LPA: variants seen among roughly 807,000 people sequenced by gnomAD.
LPA encodes lipoprotein(a), also known as apolipoprotein(a).
In LPA, 199 loss-of-function variants were observed where a neutral mutation model predicts 197.9. That is an observed-to-expected ratio of 1.01 (90% CI 0.90 to 1.13). The LOEUF (loss-of-function observed/expected upper bound fraction) is 1.13. Among genes scored for constraint, LPA ranks in the 50% most tolerant of loss-of-function variants. LPA has a pLI of 0.00. For missense variants in LPA, 1,853 were observed against 1,785.8 expected, an observed-to-expected ratio of 1.04 and a Z score of -0.68; for synonymous variants, 715 against 639.5, an observed-to-expected ratio of 1.12 and a Z score of -1.78.
Position 160,598,655 on chromosome 6 carries a change from C to T in LPA, c.3287+845G>A, listed in dbSNP as rs147983133. On this transcript the variant is annotated intron_variant, in intron 20 of 38. Transcript: ENST00000316300. ...ACCCGCCCCTTTTACTTTTCAGCAT[C>T]GCCCCTTTGCTGACTCTCATCTGCT... 2.6e-3 allele frequency among the ~76,000 whole-genome samples: 389 copies of T among 152,290 alleles called. 2 individuals are homozygous for T. The highest frequency in any genetic ancestry group is 8.9e-3 in the African/African-American group (370 of 41,560).
At chr6:160,536,407 A>G (rs113968060) in intron 37 of LPA, among the ~76,000 whole-genome samples, 13 of 152,308 alleles carry the variant, frequency 8.5e-5, no homozygotes, top group African/African-American at 3.1e-4. Flanking sequence ...AGCTGCCATG[A>G]TGGAGTGCTT....
chr6:160,606,166 A>G (rs1721367236), intron 17 of LPA, among the ~76,000 whole-genome samples: 1 of 152,198 alleles, frequency 6.6e-6, no homozygotes, highest in African/African-American at 2.4e-5. Context: ...AGAGTCACAC[A>G]TCTGACAGCA....
chr6:160,566,901 C>A (rs1306777592), intron 28 of LPA, among the ~76,000 whole-genome samples: 1 of 152,112 alleles, frequency 6.6e-6, no homozygotes. Flanking sequence ...CAAAGAAGGC[C>A]ATTACATAAT....
chr6:160,535,668 G>A (rs1777883832), intron 37 of LPA, among the ~76,000 whole-genome samples: 1 of 133,448 alleles, frequency 7.5e-6, no homozygotes, highest in Non-Finnish European at 1.6e-5. Context: ...GTGCCAGTAA[G>A]AATGATGATA....
intron 30 of LPA, among the ~76,000 whole-genome samples, chr6:160,553,891 AT>A (rs368505515): frequency 0.025 from 3,192 of 127,266 alleles, 98 homozygotes; most frequent in Middle Eastern, 0.078. Flanking sequence ...GGTTCTATTT[AT>A]TTTTTTCAGC....
intron 18 of LPA, among the ~76,000 whole-genome samples, chr6:160,601,973 G>T (rs1429601426): frequency 6.6e-6 from 1 of 152,208 alleles, no homozygotes; most frequent in East Asian, 1.9e-4. Flanking sequence ...TCAGGCTGGG[G>T]AAATCTCAGA....
Position 160,532,580 on chromosome 6 carries a change from T to G in LPA, c.5912A>C (p.Tyr1971Ser). 1.2e-6 allele frequency: 2 copies of G among 1,613,544 alleles called. No individual in the cohort carries two copies. Among genetic ancestry groups the G allele is most frequent in the Non-Finnish European group, 1.7e-6 (2 of 1,179,480 alleles). Reference sequence around the variant, plus strand: ...CAAATGCTCAGCACAAATATACTTATAGTGATTGCACACTTCATTCTCAAT... The same window carrying G: ...CAAATGCTCAGCACAAATATACTTAGAGTGATTGCACACTTCATTCTCAAT... ...LVIENEVCNH[Y>S]KYICAEHLAR... is the part of the protein sequence containing the mutation. The change falls in exon 38 of 39, where the codon TAT becomes TCT. Residue 1971 changes from tyrosine to serine, a missense_variant. By Grantham distance (144) the Tyr-to-Ser change is moderately radical. Transcript: ENST00000316300.
At chr6:160,555,227 T>G (rs1001243762) in intron 30 of LPA, among the ~76,000 whole-genome samples, 4 of 139,984 alleles carry the variant, frequency 2.9e-5, no homozygotes, top group Non-Finnish European at 4.6e-5. Context: ...TCACACAGGT[T>G]TATATATATT....
rs1354520095 is a variant in LPA, at chr6:160,545,540, A to G, written c.5305-7T>C. The G allele has an allele frequency of 6.4e-7, 1 of 1,572,630 alleles. No individual in the cohort carries two copies. Among genetic ancestry groups the G allele is most frequent in the South Asian group, 1.1e-5 (1 of 90,252 alleles). The stretch of plus-strand genomic sequence containing the variant: ...CATCAGGGTTACGGCAGTACTGAAA[A>G]CAAGCAGGCATGTAAGCTCCAGCTC... On this transcript the variant is annotated splice_polypyrimidine_tract_variant and splice_region_variant and intron_variant, in intron 32 of 38. Coordinates refer to ENST00000316300, the MANE Select transcript of LPA (RefSeq NM_005577.4).
At chr6:160,593,555 C>T (rs1562335820) in intron 22 of LPA, among the ~76,000 whole-genome samples, 1 of 152,128 alleles carries the variant, frequency 6.6e-6, no homozygotes, top group Non-Finnish European at 1.5e-5. Context: ...ACATAGATAT[C>T]CTTTATTTGT....
chr6:160,577,012 G>A, intron 28 of LPA, 124 bp downstream of exon 28: 1 of 1,170,724 alleles, frequency 8.5e-7, no homozygotes, highest in Non-Finnish European at 1.3e-6. Flanking sequence ...AAGGTCCTGA[G>A]ACATTTTGCC....
intron 30 of LPA, among the ~76,000 whole-genome samples, chr6:160,550,226 A>C (rs1262633631): frequency 6.6e-6 from 1 of 151,962 alleles, no homozygotes. Context: ...TCAAGAAAAA[A>C]AAAAAAAAAA....
At chr6:160,581,609 T>C (rs1778803323) in intron 26 of LPA, among the ~76,000 whole-genome samples, 2 of 152,200 alleles carry the variant, frequency 1.3e-5, no homozygotes, top group South Asian at 2.1e-4. Context: ...CCACATGTCT[T>C]GATTACTGTG....
rs575221471 is a variant in LPA at position 160,540,910 on chromosome 6, C to T, written c.5594+197G>A. ...AGATTCCCTCTAGAAACACTTCCCT[C>T]CTCTCTCATCCAATTGCCCTGGAAA... On this transcript the variant is annotated intron_variant, in intron 35 of 38. Coordinates refer to ENST00000316300, the MANE Select transcript of LPA (RefSeq NM_005577.4). 1.1e-4 allele frequency among the ~76,000 whole-genome samples: 17 copies of T among 152,250 alleles called. 1 individual carries two copies. The East Asian group carries it at 2.7e-3, about 24-fold the overall frequency.
chr6:160,589,794 G>A, intron 23 of LPA, 82 bp from the exon 24 acceptor site: 3 of 1,504,906 alleles, frequency 2.0e-6, no homozygotes, highest in Non-Finnish European at 1.8e-6. Flanking sequence ...ATAGAAACAG[G>A]ACATCATCTC....
intron 28 of LPA, among the ~76,000 whole-genome samples, chr6:160,564,967 G>C (rs1427146525): frequency 2.0e-5 from 3 of 152,196 alleles, no homozygotes; most frequent in African/African-American, 7.2e-5. Context: ...CGGCAGCAAA[G>C]CTGGGGGAGG....
At chr6:160,582,297 G>A (rs1289760429) in intron 26 of LPA, among the ~76,000 whole-genome samples, 1 of 150,126 alleles carries the variant, frequency 6.7e-6, no homozygotes, top group Non-Finnish European at 1.5e-5. Flanking sequence ...TTATTTCATT[G>A]TTTCTGATTT....
Position 160,633,915 on chromosome 6 carries a change from G to A in LPA, c.1076-3C>T, listed in dbSNP as rs750621364. ...CCCAGGCCTCTGCTCAGTCGGTGCT[G>A]AAATGAAAACACAAGAAATAAACTG... is the stretch of plus-strand genomic sequence containing the variant. On this transcript the variant is annotated splice_polypyrimidine_tract_variant and splice_region_variant and intron_variant, in intron 7 of 38. Transcript: ENST00000316300. 3.7e-6 allele frequency: 5 copies of A among 1,355,576 alleles called. No individual in the cohort carries two copies. The highest frequency in any genetic ancestry group is 3.1e-6 in the Non-Finnish European group (3 of 975,596). 84.0% of individuals were successfully genotyped at this position (1,355,576 alleles called of 1,614,324 possible). A position where few individuals can be genotyped will look rare whatever the true frequency, so the allele number is the denominator to read the frequency against.
intron 6 of LPA, among the ~76,000 whole-genome samples, chr6:160,635,714 G>A (rs1462307289): frequency 7.3e-5 from 8 of 110,054 alleles, no homozygotes; most frequent in Non-Finnish European, 1.3e-4. Context: ...TCTAGTCTCC[G>A]TATCTCTCTC....
Sources: allele counts gnomAD v4.1 joint callset (sites outside exome capture counted in the v4.1 genomes callset), GRCh38; gene constraint gnomAD v4.1.1; transcripts MANE v1.5; gene names NCBI Gene and HGNC (gene_info 2026-07-23, HGNC 2026-07-21).